INPP5A: variants seen among roughly 807,000 people sequenced by gnomAD.
INPP5A encodes the protein inositol polyphosphate-5-phosphatase A, also known as 43 kDa inositol polyphosphate 5-phophatase.
In INPP5A, 14 loss-of-function variants were observed where a neutral mutation model predicts 65.2. The ratio of observed to expected loss-of-function variants is 0.21; its 90% CI spans 0.14 to 0.34. The LOEUF (loss-of-function observed/expected upper bound fraction) is 0.34, where lower values mean the gene tolerates loss of function less well. Ranked by LOEUF, INPP5A falls within the 10% of genes least tolerant of loss-of-function variation. The pLI is 1.00. For missense variants in INPP5A, 431 were observed against 545.6 expected (o/e 0.79, Z 2.09); for synonymous variants, 207 against 208.3 (o/e 0.99, Z 0.05).
chr10:132,566,967 A>G (rs2071281503), intron 1 of INPP5A, among the ~76,000 whole-genome samples: 1 of 152,254 alleles, frequency 6.6e-6, no homozygotes, highest in South Asian at 2.1e-4. Flanking sequence ...TTATGGAGAA[A>G]TAGTAACTGT....
At chr10:132,632,781 CTG>C (rs2072292436) in intron 2 of INPP5A, among the ~76,000 whole-genome samples, 1 of 152,238 alleles carries the variant, frequency 6.6e-6, no homozygotes, top group East Asian at 1.9e-4. Flanking sequence ...AATTATTGTA[CTG>C]TTACGTATGA....
At position 132,650,614 on chromosome 10, in the gene INPP5A, C is replaced by T; in HGVS notation, c.306+109C>T. 2.6e-6 allele frequency: 2 copies of T among 776,796 alleles called. No individual in the cohort carries two copies. Among genetic ancestry groups the T allele is most frequent in the Admixed American group, 1.9e-5 (1 of 53,464 alleles). The allele number at this position is 776,796 out of a possible 1,614,324, so 48.1% of individuals were successfully genotyped here. A position where few individuals can be genotyped will look rare whatever the true frequency, so the allele number is the denominator to read the frequency against. ...AGGTCGGGGTGCTCCCTGCCTGAAGCCTCACTCACGCTGCCCTGCCTGGCA... is the reference window on the plus strand; with the variant it reads ...AGGTCGGGGTGCTCCCTGCCTGAAGTCTCACTCACGCTGCCCTGCCTGGCA... On this transcript the variant is annotated intron_variant, in intron 4 of 15. Coordinates refer to ENST00000368594, the MANE Select transcript of INPP5A (RefSeq NM_005539.5). The surrounding 1 kb of genome is among the most constrained non-coding windows in gnomAD (Gnocchi z 5.5).
At chr10:132,612,095 A>G (rs1047140590) in intron 2 of INPP5A, among the ~76,000 whole-genome samples, 1,395 of 34,118 alleles carry the variant, frequency 0.041, no homozygotes, top group Middle Eastern at 0.08. Flanking sequence ...GGGAGAGGGA[A>G]GTGAGGTGGG....
At chr10:132,731,925 A>G (rs1018895432) in intron 9 of INPP5A, among the ~76,000 whole-genome samples, 2 of 152,184 alleles carry the variant, frequency 1.3e-5, no homozygotes, top group African/African-American at 4.8e-5. Flanking sequence ...ACAGACGTAG[A>G]TGCCACCCAG....
intron 11 of INPP5A, among the ~76,000 whole-genome samples, chr10:132,755,536 A>G (rs1431437585): frequency 1.4e-5 from 2 of 140,424 alleles, no homozygotes; most frequent in East Asian, 4.3e-4. Flanking sequence ...GTGAGCAGGC[A>G]TATGCATATG....
chr10:132,764,958 G>A (rs192206014), intron 11 of INPP5A, among the ~76,000 whole-genome samples: 21 of 139,102 alleles, frequency 1.5e-4, no homozygotes, highest in Non-Finnish European at 2.4e-4. Flanking sequence ...TCAGGAACAC[G>A]GTCGGGTCAG....
rs576088004 is a variant in INPP5A, at chr10:132,777,690, G to A, written c.997G>A (p.Ala333Thr). The change falls in exon 13 of 16, where the codon GCC becomes ACC. Residue 333 changes from alanine (A) to threonine (T), a missense_variant. Ala to Thr is a moderately conservative substitution (Grantham distance 58). Coordinates refer to ENST00000368594, the MANE Select transcript of INPP5A (RefSeq NM_005539.5). ...CCCCAGCTACCCGTACAGTGAGGAC[G>A]CCCGCCAGGGTGAGCAGTACATGAA... is the stretch of plus-strand genomic sequence containing the variant. ...FPPSYPYSED[A>T]RQGEQYMNTR... is the part of the protein sequence containing the mutation. 2.5e-5 allele frequency: 40 copies of A among 1,612,826 alleles called. No homozygotes were observed. Among genetic ancestry groups the A allele is most frequent in the Non-Finnish European group, 3.1e-5 (36 of 1,179,948 alleles).
chr10:132,687,101 C>T (rs984211640), intron 4 of INPP5A, among the ~76,000 whole-genome samples: 18 of 152,198 alleles, frequency 1.2e-4, no homozygotes, highest in African/African-American at 3.6e-4. Context: ...CATGCCACCA[C>T]GCCTGGCTGA....
At chr10:132,669,550 G>A (rs893818288) in intron 4 of INPP5A, among the ~76,000 whole-genome samples, 3 of 152,206 alleles carry the variant, frequency 2.0e-5, no homozygotes, top group Non-Finnish European at 4.4e-5. Context: ...CTGGGGGACC[G>A]TCGGTGACAT....
Position 132,777,785 on chromosome 10 carries a change from G to A in INPP5A, c.1089+3G>A. 1.9e-6 allele frequency: 3 copies of A among 1,612,676 alleles called. No individual in the cohort carries two copies. In the South Asian group the frequency reaches 3.3e-5, roughly 18 times the overall value. ...CTGCCAAGGAGCTGGTGCTGCGGGT[G>A]AGTGTGTGCTGCCCCAGCCCTGGGC... On this transcript the variant is annotated splice_donor_region_variant and intron_variant, in intron 13 of 15. Transcript: ENST00000368594.
intron 1 of INPP5A, among the ~76,000 whole-genome samples, chr10:132,574,970 A>G (rs2071397200): frequency 6.6e-6 from 1 of 152,128 alleles, no homozygotes; most frequent in African/African-American, 2.4e-5. Flanking sequence ...GGAGCTGTCT[A>G]GCCTGGAAGC....
chr10:132,638,409 C>A (rs2072384454), intron 2 of INPP5A, among the ~76,000 whole-genome samples: 1 of 152,190 alleles, frequency 6.6e-6, no homozygotes, highest in South Asian at 2.1e-4. Context: ...TGGTGTCTCC[C>A]TTCCCTCTCT....
chr10:132,597,702 C>T (rs938326467), intron 1 of INPP5A, among the ~76,000 whole-genome samples: 2 of 152,054 alleles, frequency 1.3e-5, no homozygotes, highest in East Asian at 1.9e-4. Flanking sequence ...TGTGCTGCAG[C>T]GCTGTGCTAC....
At chr10:132,752,691 T>C (rs1167329229) in intron 11 of INPP5A, among the ~76,000 whole-genome samples, 1 of 26,028 alleles carries the variant, frequency 3.8e-5, no homozygotes, top group African/African-American at 1.6e-4. Flanking sequence ...GGGTGCGGCA[T>C]GGAGGGGGTG....
intron 1 of INPP5A, among the ~76,000 whole-genome samples, chr10:132,596,906 C>A (rs2071700933): frequency 1.5e-5 from 1 of 67,836 alleles, no homozygotes; most frequent in Non-Finnish European, 3.6e-5. Flanking sequence ...GGCTCCTGTG[C>A]ATGTGTGCAT....
chr10:132,779,223 G>T (rs1847116823), intron 13 of INPP5A, among the ~76,000 whole-genome samples: 3 of 152,252 alleles, frequency 2.0e-5, no homozygotes, highest in African/African-American at 7.2e-5. Context: ...CTGGAGCCTG[G>T]CTGTGGACCT....
chr10:132,612,514 G>C (rs1287076655), intron 2 of INPP5A, among the ~76,000 whole-genome samples: 1 of 151,962 alleles, frequency 6.6e-6, no homozygotes, highest in Non-Finnish European at 1.5e-5. Flanking sequence ...AGGCTGTGCA[G>C]GGGGCCTGTT....
In INPP5A at chr10:132,741,779, G is replaced by A. The variant is rs1378657238; in HGVS notation, c.733-7738G>A. ...AACTGAGGTGGACGTCAGTGTCCGC[G>A]TCCGCTTGCTTTACTCAATAGCCGA... On this transcript the variant is annotated intron_variant, in intron 9 of 15. Coordinates refer to ENST00000368594, the MANE Select transcript of INPP5A (RefSeq NM_005539.5). The surrounding 1 kb of genome is among the most constrained non-coding windows in gnomAD (Gnocchi z 4.4). Among the ~76,000 whole-genome samples the A allele has an allele frequency of 6.7e-6, 1 of 150,088 alleles. No homozygotes were observed. Among genetic ancestry groups the A allele is most frequent in the Non-Finnish European group, 1.5e-5 (1 of 67,538 alleles).
intron 2 of INPP5A, among the ~76,000 whole-genome samples, chr10:132,633,804 A>G (rs918504696): frequency 6.6e-6 from 1 of 152,142 alleles, no homozygotes; most frequent in African/African-American, 2.4e-5. Context: ...TTTTGTTCCT[A>G]CAGAGTTAGT....
Sources: allele counts gnomAD v4.1 joint callset (sites outside exome capture counted in the v4.1 genomes callset), GRCh38; gene constraint gnomAD v4.1.1; non-coding constraint Gnocchi (gnomAD v3.1); transcripts MANE v1.5; gene names NCBI Gene and HGNC (gene_info 2026-07-23, HGNC 2026-07-21).